ERCC6L2: variants seen among roughly 807,000 people sequenced by gnomAD.
The protein encoded by ERCC6L2 is DNA excision repair protein ERCC-6-like 2.
ERCC6L2 carries 77 observed loss-of-function variants against 132.0 expected under a neutral mutation model. The ratio of observed to expected loss-of-function variants is 0.58; its 90% CI spans 0.49 to 0.71. The LOEUF is 0.71. ERCC6L2 is among the 30% of genes least tolerant of loss of function. The pLI is 0.00. For synonymous variants in ERCC6L2, 583 were observed against 632.4 expected, an observed-to-expected ratio of 0.92 and a Z score of 1.17; for missense variants, 1,542 against 1,837.6, an observed-to-expected ratio of 0.84 and a Z score of 2.94.
At chr9:95,975,471 C>CTTT (rs572855007) in intron 16 of ERCC6L2, among the ~76,000 whole-genome samples, 10,545 of 110,988 alleles carry the variant, frequency 0.095, 694 homozygotes, top group South Asian at 0.16. Flanking sequence ...ATTATATGTT[C>CTTT]TTTTTTTTTT....
intron 19 of ERCC6L2, among the ~76,000 whole-genome samples, chr9:96,031,407 G>A (rs759796832): frequency 5.3e-5 from 8 of 152,212 alleles, no homozygotes; most frequent in Non-Finnish European, 8.8e-5. Flanking sequence ...GCACCCACAG[G>A]TCTGTGCTAG....
downstream of ERCC6L2, chr9:96,020,524 G>A: frequency 3.0e-6 from 1 of 334,476 alleles, no homozygotes; most frequent in South Asian, 2.3e-5. Flanking sequence ...CTCCTAAAAT[G>A]CCCTCAAAGA....
At chr9:95,954,884 A>T (rs1053214699) in intron 12 of ERCC6L2, 2 of 471,090 alleles carry the variant, frequency 4.2e-6, no homozygotes, top group Non-Finnish European at 8.8e-6. Flanking sequence ...GCAGGATCCA[A>T]GATGTCCTCG....
At chr9:95,947,208 T>C (rs1161773251) in intron 12 of ERCC6L2, among the ~76,000 whole-genome samples, 2 of 152,192 alleles carry the variant, frequency 1.3e-5, no homozygotes, top group South Asian at 2.1e-4. Flanking sequence ...AAATTAAAAG[T>C]GCTACTCCAG....
rs761217108 is a variant in ERCC6L2, at chr9:95,915,784, C to T, written c.905C>T (p.Thr302Ile). The change falls in exon 5 of 19, where the codon ACC becomes ATC. Residue 302 changes from threonine (T) to isoleucine (I), a missense_variant. This residue lies in a region of ERCC6L2 where 945 missense variants were observed against 1,105.2 expected (regional missense o/e 0.86). Coordinates refer to ENST00000653738, the MANE Select transcript of ERCC6L2 (RefSeq NM_020207.7). ...AATGTCCGCATTGGCCTCACTGGAA[C>T]CATCCTTCAGAACAACATGAAGGAA... ...KCNVRIGLTG[T>I]ILQNNMKELW... is the part of the protein sequence containing the mutation. The T allele has an allele frequency of 4.3e-6, 7 of 1,613,582 alleles. No individual in the cohort carries two copies. Among genetic ancestry groups the T allele is most frequent in the Admixed American group, 1.7e-5 (1 of 59,950 alleles).
rs151011114 is a variant in ERCC6L2 at position 96,013,004 on chromosome 9, A to G, written c.4454A>G (p.Gln1485Arg). ...PKDFWDILNE[Q>R]NDESLSKLTD... Reference sequence around the variant, plus strand: ...GATTTCTGGGACATCTTGAATGAGCAGAATGATGAGAGTCTTAGTAAACTC... The same window carrying G: ...GATTTCTGGGACATCTTGAATGAGCGGAATGATGAGAGTCTTAGTAAACTC... The change falls in exon 19 of 19, where the codon CAG becomes CGG. Residue 1485 changes from glutamine (Q) to arginine (R), a missense_variant. Gln to Arg is a conservative substitution (Grantham distance 43). Around this residue, in one of 4 missense-constraint regions of ERCC6L2, gnomAD observed 442 missense variants for 583.4 expected, o/e 0.76. Transcript: ENST00000653738. The G allele has an allele frequency of 6.8e-5, 93 of 1,367,626 alleles. No individual in the cohort carries two copies. In the African/African-American group the frequency reaches 1.2e-3, roughly 18 times the overall value. 84.7% of individuals were successfully genotyped at this position (1,367,626 alleles called of 1,614,324 possible).
chr9:96,032,098 G>T (rs982154680), intron 19 of ERCC6L2, among the ~76,000 whole-genome samples: 10 of 152,130 alleles, frequency 6.6e-5, no homozygotes, highest in African/African-American at 2.4e-4. Flanking sequence ...CTTCCTCAAA[G>T]CTTCCAGGCT....
At chr9:95,959,335 T>C (rs1297380559) in intron 13 of ERCC6L2, among the ~76,000 whole-genome samples, 1 of 151,788 alleles carries the variant, frequency 6.6e-6, no homozygotes, top group Non-Finnish European at 1.5e-5. Context: ...ATATGTAGAA[T>C]GCTGAAACTG....
intron 2 of ERCC6L2, among the ~76,000 whole-genome samples, chr9:95,897,082 G>A (rs1216180971): frequency 6.6e-6 from 1 of 151,746 alleles, no homozygotes; most frequent in African/African-American, 2.4e-5. Flanking sequence ...TTTTTGTAAG[G>A]TAATGATCAG....
Position 95,922,429 on chromosome 9 carries a change from C to A in ERCC6L2, c.1413+11C>A, listed in dbSNP as rs748656589. 18 of 1,473,402 alleles carry A rather than the reference C, an allele frequency of 1.2e-5. No individual in the cohort carries two copies. Among genetic ancestry groups the A allele is most frequent in the Non-Finnish European group, 1.6e-5 (17 of 1,055,372 alleles). The allele number at this position is 1,473,402 out of a possible 1,614,324, so 91.3% of individuals were successfully genotyped here. A position where few individuals can be genotyped will look rare whatever the true frequency, so the allele number is the denominator to read the frequency against. On this transcript the variant is annotated intron_variant, in intron 8 of 18. Transcript: ENST00000653738. Reference sequence around the variant, plus strand: ...ACTTCCAAACAACAGGTTTGGTTAGCATTTTACATTTCTTTGTGATGCTAT... The same window carrying A: ...ACTTCCAAACAACAGGTTTGGTTAGAATTTTACATTTCTTTGTGATGCTAT...
intron 4 of ERCC6L2, among the ~76,000 whole-genome samples, chr9:95,909,324 C>T (rs1260786410): frequency 6.6e-6 from 1 of 152,036 alleles, no homozygotes; most frequent in Non-Finnish European, 1.5e-5. Flanking sequence ...CAAAAGTGGC[C>T]ACGGGCTGGA....
intron 3 of ERCC6L2, among the ~76,000 whole-genome samples, chr9:95,903,671 A>G (rs1178366661): frequency 1.3e-5 from 2 of 152,102 alleles, no homozygotes; most frequent in Admixed American, 6.5e-5. Context: ...TGAATTAATA[A>G]TTGAAGCCAT....
Position 95,901,499 on chromosome 9 carries a change from A to G in ERCC6L2, c.594+3528A>G, listed in dbSNP as rs190983155. Among the ~76,000 whole-genome samples, 418 of 152,146 alleles carry G rather than the reference A, an allele frequency of 2.7e-3. 11 individuals carry two copies. Among genetic ancestry groups the G allele is most frequent in the Admixed American group, 0.026 (397 of 15,276 alleles). ...ACTTGGCCATTATTTTTCTTGACTT[A>G]GTCTTTCCAACTACCTTAGCTGTTT... On this transcript the variant is annotated intron_variant, in intron 3 of 18. Coordinates refer to ENST00000653738, the MANE Select transcript of ERCC6L2 (RefSeq NM_020207.7).
At chr9:95,960,608 A>G (rs1474218582) in intron 13 of ERCC6L2, among the ~76,000 whole-genome samples, 1 of 152,120 alleles carries the variant, frequency 6.6e-6, no homozygotes, top group Non-Finnish European at 1.5e-5. Flanking sequence ...AAGCTGGAAG[A>G]GTCAAGAAGT....
chr9:95,926,920 G>A (rs1048974203), intron 9 of ERCC6L2, among the ~76,000 whole-genome samples: 1 of 152,020 alleles, frequency 6.6e-6, no homozygotes. Flanking sequence ...GAGGTTGGAA[G>A]TAGGGAAAGA....
chr9:95,901,070 T>C (rs1441975329), intron 3 of ERCC6L2, among the ~76,000 whole-genome samples: 1 of 148,696 alleles, frequency 6.7e-6, no homozygotes, highest in African/African-American at 2.6e-5. Flanking sequence ...TGGTACTCTG[T>C]CTCAGAAAAA....
chr9:95,896,422 A>AT (rs796966508), intron 2 of ERCC6L2, among the ~76,000 whole-genome samples: 4,164 of 63,250 alleles, frequency 0.066, 177 homozygotes, highest in African/African-American at 0.17. Flanking sequence ...TTTTTTTTTG[A>AT]TTTTTTTTTT....
At chr9:95,879,148 A>G (rs12002457) in intron 1 of ERCC6L2, among the ~76,000 whole-genome samples, 4,009 of 151,950 alleles carry the variant, frequency 0.026, 156 homozygotes, top group African/African-American at 0.082. Context: ...CTATTTCTCC[A>G]CATCCTCTCC....
At chr9:96,009,266 A>G (rs1195394326) in intron 18 of ERCC6L2, among the ~76,000 whole-genome samples, 1 of 152,212 alleles carries the variant, frequency 6.6e-6, no homozygotes. Context: ...TGTTTCAATC[A>G]CTATGTGCCT....
Sources: gnomAD v4.1 joint callset for allele counts (sites outside exome capture counted in the v4.1 genomes callset) on GRCh38, gnomAD v4.1.1 for gene constraint, gnomAD v4.1.1 regional missense constraint, MANE v1.5 for transcripts, NCBI Gene and HGNC (gene_info 2026-07-23, HGNC 2026-07-21) for gene names.